The following CCDC171 variants were observed in gnomAD, a reference collection of about 807,000 sequenced individuals.
The protein encoded by CCDC171 is coiled-coil domain-containing protein 171.
A neutral mutation model predicts 168.2 loss-of-function variants in CCDC171; 177 were observed. The ratio of observed to expected loss-of-function variants is 1.05; its 90% CI spans 0.93 to 1.19. The LOEUF (loss-of-function observed/expected upper bound fraction) is 1.19, where lower values mean the gene tolerates loss of function less well. CCDC171 is among the 50% of genes most tolerant of loss of function. The probability of loss-of-function intolerance (pLI) is 0.00; values close to 1 mark genes in which losing one functional copy is unlikely to be tolerated. For missense variants in CCDC171, 1,991 were observed against 1,539.0 expected (o/e 1.29, Z -4.91); for synonymous variants, 687 against 540.8 (o/e 1.27, Z -3.75).
intron 18 of CCDC171, among the ~76,000 whole-genome samples, chr9:15,750,908 A>G (rs184115969): frequency 6.6e-6 from 1 of 152,184 alleles, no homozygotes; most frequent in Non-Finnish European, 1.5e-5. Context: ...TATTCAACAC[A>G]GTATTGGAAG....
chr9:15,830,763 A>C lies in CCDC171; in HGVS notation c.3268-15939A>C, dbSNP rs79808002. On this transcript the variant is annotated intron_variant, in intron 21 of 25. Coordinates refer to ENST00000380701, the MANE Select transcript of CCDC171 (RefSeq NM_173550.4). ...ATTATGCATATTTACAGTTCTGTAG[A>C]GATAGATTTCAAACACTGGTTAAGA... Among the ~76,000 whole-genome samples the C allele has an allele frequency of 1.8e-3, 269 of 152,318 alleles. 2 individuals carry two copies. The highest frequency in any genetic ancestry group is 6.1e-3 in the African/African-American group (252 of 41,572).
At chr9:15,750,680 CAT>C (rs2055665036) in intron 18 of CCDC171, among the ~76,000 whole-genome samples, 2 of 152,290 alleles carry the variant, frequency 1.3e-5, no homozygotes, top group African/African-American at 2.4e-5. Context: ...ACAAAAACCA[CAT>C]GATTATCTCA....
intron 6 of CCDC171, among the ~76,000 whole-genome samples, chr9:15,612,320 C>G (rs2131866542): frequency 6.6e-6 from 1 of 152,256 alleles, no homozygotes; most frequent in East Asian, 1.9e-4. Context: ...TATCACTTGT[C>G]AGTTTGCTTT....
At chr9:15,889,466 C>G (rs923431113) in intron 24 of CCDC171, among the ~76,000 whole-genome samples, 2 of 152,114 alleles carry the variant, frequency 1.3e-5, no homozygotes, top group African/African-American at 4.8e-5. Context: ...TTTTTGCTAT[C>G]TACTCTCTCT....
chr9:15,806,575 T>C (rs56401042), intron 21 of CCDC171, among the ~76,000 whole-genome samples: 75,091 of 152,022 alleles, frequency 0.49, 18,729 homozygotes, highest in African/African-American at 0.54. Context: ...AATCTGTTCT[T>C]GCTTGTACAG....
intron 6 of CCDC171, among the ~76,000 whole-genome samples, chr9:16,030,315 C>A (rs1041388349): frequency 6.6e-6 from 1 of 152,010 alleles, no homozygotes; most frequent in Non-Finnish European, 1.5e-5. Flanking sequence ...GTTCATTATA[C>A]CTCTGTGTGT....
intron 23 of CCDC171, among the ~76,000 whole-genome samples, chr9:15,855,719 A>C (rs1297882841): frequency 6.6e-6 from 1 of 151,578 alleles, no homozygotes; most frequent in African/African-American, 2.4e-5. Flanking sequence ...TTGTTTTCTT[A>C]GTGTTACCCT....
At chr9:15,623,046 T>G (rs2044633233) in intron 6 of CCDC171, among the ~76,000 whole-genome samples, 1 of 152,194 alleles carries the variant, frequency 6.6e-6, no homozygotes, top group South Asian at 2.1e-4. Context: ...CGTTGTAATA[T>G]TAATCAGAGT....
At chr9:15,564,947 T>A (rs2039604828) in intron 2 of CCDC171, among the ~76,000 whole-genome samples, 1 of 152,172 alleles carries the variant, frequency 6.6e-6, no homozygotes, top group African/African-American at 2.4e-5. Flanking sequence ...AGATAGTCCT[T>A]CCTCATATTT....
At chr9:15,953,805 A>C (rs548742380) in intron 25 of CCDC171, among the ~76,000 whole-genome samples, 2 of 152,076 alleles carry the variant, frequency 1.3e-5, no homozygotes, top group African/African-American at 4.8e-5. Context: ...ATTTGGTCCT[A>C]GGCTTCTCTT....
chr9:15,973,837 A>G lies in CCDC171; in HGVS notation c.*2001A>G, dbSNP rs1385673534. The G allele has an allele frequency of 1.3e-5, 2 of 152,160 alleles. No individual in the cohort carries two copies. Among genetic ancestry groups the G allele is most frequent in the Admixed American group, 6.6e-5 (1 of 15,264 alleles). The allele number at this position is 152,160 out of a possible 1,614,324, so 9.4% of individuals were successfully genotyped here. A position where few individuals can be genotyped will look rare whatever the true frequency, so the allele number is the denominator to read the frequency against. ...AGCTTACAATTCTCACTAGAGAAGA[A>G]CAAGGTTACTATATGTAACCTCTAT... On this transcript the variant is annotated 3_prime_UTR_variant, in exon 26 of 26. Transcript: ENST00000380701.
intron 8 of CCDC171, among the ~76,000 whole-genome samples, 169 bp from the exon 9 acceptor site, chr9:15,665,994 G>C (rs1286766371): frequency 6.6e-6 from 1 of 152,036 alleles, no homozygotes; most frequent in Non-Finnish European, 1.5e-5. Flanking sequence ...TAAACATATT[G>C]AGAAAGGGAA....
intron 1 of CCDC171, among the ~76,000 whole-genome samples, chr9:15,562,838 G>C (rs1053120614): frequency 2.6e-5 from 4 of 152,060 alleles, no homozygotes; most frequent in Admixed American, 2.0e-4. Context: ...AGTTTCCCTG[G>C]GGTCTGACCT....
chr9:16,053,840 A>G (rs1402334870), intron 1 of CCDC171, among the ~76,000 whole-genome samples: 1 of 152,194 alleles, frequency 6.6e-6, no homozygotes, highest in African/African-American at 2.4e-5. Context: ...ATTCCACTAG[A>G]AGGCTTTGGG....
At chr9:15,582,549 G>C (rs1161142516) in intron 4 of CCDC171, among the ~76,000 whole-genome samples, 1 of 152,170 alleles carries the variant, frequency 6.6e-6, no homozygotes, top group Non-Finnish European at 1.5e-5. Context: ...ATCAATGATA[G>C]ATTGGATAAA....
chr9:15,645,031 C>G (rs1474874203), intron 7 of CCDC171, among the ~76,000 whole-genome samples: 1 of 152,212 alleles, frequency 6.6e-6, no homozygotes, highest in Non-Finnish European at 1.5e-5. Flanking sequence ...CTGGGTACCC[C>G]TCTGTGACGA....
At chr9:15,757,236 C>T (rs761954607) in intron 18 of CCDC171, among the ~76,000 whole-genome samples, 1 of 152,106 alleles carries the variant, frequency 6.6e-6, no homozygotes, top group Non-Finnish European at 1.5e-5. Flanking sequence ...ATGGCTTTGC[C>T]CAAAAGTCTG....
At chr9:16,084,150 TAAAGTA>T in the CCDC171 span, among the ~76,000 whole-genome samples, 4 of 152,228 alleles carry the variant, frequency 2.6e-5, no homozygotes, top group African/African-American at 7.2e-5. Flanking sequence ...GCAGAATACT[TAAAGTA>T]AAAGCTGCTT....
At chr9:15,702,450 T>A (rs2051833601) in intron 11 of CCDC171, among the ~76,000 whole-genome samples, 1 of 152,008 alleles carries the variant, frequency 6.6e-6, no homozygotes, top group Non-Finnish European at 1.5e-5. Context: ...AAATGCTCTA[T>A]AAATGCATAG....
Sources: allele counts gnomAD v4.1 joint callset (sites outside exome capture counted in the v4.1 genomes callset), GRCh38; gene constraint gnomAD v4.1.1; transcripts MANE v1.5; gene names NCBI Gene and HGNC (gene_info 2026-07-23, HGNC 2026-07-21).